Variants in SORCS1 observed in about 807,000 individuals in gnomAD.
SORCS1 encodes the protein sortilin related VPS10 domain containing receptor 1.
SORCS1 carries 60 observed loss-of-function variants against 146.1 expected under a neutral mutation model. The ratio of observed to expected loss-of-function variants is 0.41; its 90% confidence interval spans 0.33 to 0.51. The LOEUF is 0.51. Among genes scored for constraint, SORCS1 ranks in the 20% least tolerant of loss-of-function variants. SORCS1 has a pLI of 0.21. For missense variants in SORCS1, 1,352 were observed against 1,487.6 expected (o/e 0.91, Z 1.50); for synonymous variants, 637 against 584.0 (o/e 1.09, Z -1.31).
intron 1 of SORCS1, among the ~76,000 whole-genome samples, chr10:107,125,772 C>G (rs1304538811): frequency 6.6e-6 from 1 of 152,172 alleles, no homozygotes; most frequent in African/African-American, 2.4e-5. Context: ...TTTTCCCCCT[C>G]TGCTACTAAT....
chr10:106,584,803 T>G (rs1230665796), intron 24 of SORCS1, among the ~76,000 whole-genome samples: 1 of 152,166 alleles, frequency 6.6e-6, no homozygotes. Context: ...GAATCTTCAG[T>G]AATATCCAGT....
chr10:106,822,762 T>C (rs2136936276), intron 3 of SORCS1, among the ~76,000 whole-genome samples: 1 of 151,112 alleles, frequency 6.6e-6, no homozygotes, highest in Non-Finnish European at 1.5e-5. Context: ...ACTTCCACTA[T>C]GTCTCTGAAT....
chr10:107,051,681 A>G (rs1046877481), intron 1 of SORCS1, among the ~76,000 whole-genome samples: 1 of 152,156 alleles, frequency 6.6e-6, no homozygotes, highest in African/African-American at 2.4e-5. Flanking sequence ...TGCTCTTAAA[A>G]TAAGATTGAA....
chr10:107,139,518 G>C (rs887161850), intron 1 of SORCS1, among the ~76,000 whole-genome samples: 2 of 152,172 alleles, frequency 1.3e-5, no homozygotes, highest in African/African-American at 2.4e-5. Context: ...TGGGAAGAGA[G>C]AGAGGGAGAG....
chr10:107,151,065 T>C (rs1166691041), intron 1 of SORCS1, among the ~76,000 whole-genome samples: 1 of 152,152 alleles, frequency 6.6e-6, no homozygotes, highest in East Asian at 1.9e-4. Flanking sequence ...AGGCAGAGGC[T>C]GGAACAGTTT....
At chr10:107,126,007 C>T (rs553620451) in intron 1 of SORCS1, among the ~76,000 whole-genome samples, 1 of 152,126 alleles carries the variant, frequency 6.6e-6, no homozygotes, top group African/African-American at 2.4e-5. Flanking sequence ...GTCTGTAACA[C>T]GTGATTAAAC....
chr10:106,645,134 A>G (rs1849328673), intron 18 of SORCS1, among the ~76,000 whole-genome samples: 1 of 135,866 alleles, frequency 7.4e-6, no homozygotes, highest in Non-Finnish European at 1.5e-5. Flanking sequence ...ACCTGATATT[A>G]TTAGCATTTT....
intron 4 of SORCS1, among the ~76,000 whole-genome samples, chr10:106,773,139 AG>A (rs1860155050): frequency 6.6e-6 from 1 of 152,264 alleles, no homozygotes; most frequent in African/African-American, 2.4e-5. Context: ...AGCATCCAGC[AG>A]AGATAATACT....
intron 2 of SORCS1, among the ~76,000 whole-genome samples, chr10:106,878,383 A>G (rs1430474713): frequency 6.6e-6 from 1 of 151,742 alleles, no homozygotes; most frequent in Non-Finnish European, 1.5e-5. Context: ...AATTACCAAT[A>G]CAATGGTATT....
At chr10:106,833,878 C>G (rs1436661081) in intron 2 of SORCS1, among the ~76,000 whole-genome samples, 1 of 152,192 alleles carries the variant, frequency 6.6e-6, no homozygotes. Context: ...ACTGCAAGCT[C>G]CGCCTCCTGG....
chr10:106,720,264 T>C lies in SORCS1; in HGVS notation c.1024+9786A>G, dbSNP rs184514003. ...CTGATGTGGCGTAGATGTCCAACAA[T>C]ATTTTTTGAATGAATGAATAATAGG... On this transcript the variant is annotated intron_variant, in intron 6 of 25. Transcript: ENST00000263054. Among the ~76,000 whole-genome samples the C allele has an allele frequency of 2.6e-5, 4 of 152,266 alleles. No individual in the cohort carries two copies. In the East Asian group the frequency reaches 7.7e-4, roughly 29 times the overall value.
chr10:107,133,117 A>G (rs1473608233), intron 1 of SORCS1, among the ~76,000 whole-genome samples: 1 of 152,212 alleles, frequency 6.6e-6, no homozygotes, highest in Non-Finnish European at 1.5e-5. Flanking sequence ...ATTCAAAGAA[A>G]GGCCAGATTG....
In SORCS1 at chr10:106,950,031, T is replaced by A. The variant is rs145858119; in HGVS notation, c.626+6482A>T. Among the ~76,000 whole-genome samples the A allele has an allele frequency of 2.4e-3, 364 of 152,360 alleles. 4 individuals carry two copies. Among genetic ancestry groups the A allele is most frequent in the African/African-American group, 8.2e-3 (341 of 41,570 alleles). ...TTATCTATCTCAACCTTTAAGCTTA[T>A]CTTGTACCAATATGATAAAACCACC... On this transcript the variant is annotated intron_variant, in intron 2 of 25. Transcript: ENST00000263054.
chr10:106,662,934 G>C (rs565966528), intron 17 of SORCS1, among the ~76,000 whole-genome samples: 1 of 152,278 alleles, frequency 6.6e-6, no homozygotes, highest in South Asian at 2.1e-4. Flanking sequence ...CCTTACAAGG[G>C]AGAGATGTGG....
intron 1 of SORCS1, among the ~76,000 whole-genome samples, chr10:107,149,395 A>C (rs1261819613): frequency 6.6e-6 from 1 of 152,164 alleles, no homozygotes; most frequent in African/African-American, 2.4e-5. Flanking sequence ...ATCGCGCTTT[A>C]ATCATACGTG....
At chr10:106,625,941 C>T (rs1025872397) in intron 19 of SORCS1, among the ~76,000 whole-genome samples, 4 of 152,164 alleles carry the variant, frequency 2.6e-5, no homozygotes, top group Non-Finnish European at 4.4e-5. Context: ...AGTTTGCAAA[C>T]TAGCAGAGCA....
chr10:107,056,340 G>C (rs1439134898), intron 1 of SORCS1, among the ~76,000 whole-genome samples: 2 of 152,212 alleles, frequency 1.3e-5, no homozygotes, highest in African/African-American at 4.8e-5. Context: ...CATTGGGAAA[G>C]CATGAAGCAC....
intron 1 of SORCS1, among the ~76,000 whole-genome samples, chr10:107,145,468 T>C (rs894589643): frequency 2.6e-5 from 4 of 152,198 alleles, no homozygotes; most frequent in Non-Finnish European, 5.9e-5. Flanking sequence ...AATACTGCAT[T>C]TTAAGAAAGT....
At chr10:107,068,685 T>A in intron 1 of SORCS1, among the ~76,000 whole-genome samples, 1 of 152,010 alleles carries the variant, frequency 6.6e-6, no homozygotes. Context: ...GCTAACACGG[T>A]GAAGCCCCAT....
Sources: gnomAD v4.1 joint callset for allele counts (sites outside exome capture counted in the v4.1 genomes callset) on GRCh38, gnomAD v4.1.1 for gene constraint, MANE v1.5 for transcripts, NCBI Gene and HGNC (gene_info 2026-07-23, HGNC 2026-07-21) for gene names.